The following GJA1 variants were observed in gnomAD, a reference collection of about 807,000 sequenced individuals.
GJA1 encodes the protein gap junction protein alpha 1.
In GJA1, 9 loss-of-function variants were observed where a neutral mutation model predicts 31.0. That is an observed-to-expected ratio of 0.29 (90% confidence interval 0.17 to 0.51). GJA1 has a LOEUF of 0.51. Among genes scored for constraint, GJA1 ranks in the 20% least tolerant of loss-of-function variants. The probability of loss-of-function intolerance (pLI) is 0.98; values close to 1 mark genes in which losing one functional copy is unlikely to be tolerated. For synonymous variants in GJA1, 186 were observed against 180.1 expected, an observed-to-expected ratio of 1.03 and a Z score of -0.26; for missense variants, 278 against 468.8, an observed-to-expected ratio of 0.59 and a Z score of 3.76.
chr6:121,441,102 C>G (rs1773771689), intron 1 of GJA1, among the ~76,000 whole-genome samples: 1 of 152,158 alleles, frequency 6.6e-6, no homozygotes, highest in African/African-American at 2.4e-5. Context: ...GCCACCACGC[C>G]CGGCTAATTT....
chr6:121,440,545 G>GT (rs1309101552), intron 1 of GJA1, among the ~76,000 whole-genome samples: 3 of 151,452 alleles, frequency 2.0e-5, no homozygotes, highest in African/African-American at 2.4e-5. Flanking sequence ...GATGACAATA[G>GT]TTTTTTACTG....
At position 121,448,057 on chromosome 6, in the gene GJA1, A is replaced by G. The variant is rs1773920950; in HGVS notation, c.*61A>G. On this transcript the variant is annotated 3_prime_UTR_variant, in exon 2 of 2. Coordinates refer to ENST00000282561, the MANE Select transcript of GJA1 (RefSeq NM_000165.5). ...GTGGAGAAGAAAAAAGGTGCTGTAG[A>G]AAGTGCACCAGGTGTTAATTTTGAT... 7 of 1,425,016 alleles carry G rather than the reference A, an allele frequency of 4.9e-6. No individual in the cohort carries two copies. Among genetic ancestry groups the G allele is most frequent in the Admixed American group, 3.4e-5 (2 of 59,662 alleles). The allele number at this position is 1,425,016 out of a possible 1,614,324, so 88.3% of individuals were successfully genotyped here.
intron 1 of GJA1, among the ~76,000 whole-genome samples, chr6:121,443,682 A>G (rs1773835904): frequency 6.6e-6 from 1 of 151,940 alleles, no homozygotes; most frequent in South Asian, 2.1e-4. Context: ...TTAGTGATGA[A>G]TTACTATAAG....
At chr6:121,441,943 T>G (rs2114276182) in intron 1 of GJA1, among the ~76,000 whole-genome samples, 1 of 152,318 alleles carries the variant, frequency 6.6e-6, no homozygotes, top group East Asian at 1.9e-4. Context: ...GGTTTGCATT[T>G]GAGTTTTTGG....
At position 121,448,369 on chromosome 6, in the gene GJA1, T is replaced by C. The variant is rs573918353; in HGVS notation, c.*373T>C. The stretch of plus-strand genomic sequence containing the variant: ...TAATTGTGGCTAAATATTTTTGTTT[T>C]ACCAAGAAACTGAAATAATTCTGGC... On this transcript the variant is annotated 3_prime_UTR_variant, in exon 2 of 2. Transcript: ENST00000282561. 47 of 263,050 alleles carry C rather than the reference T, an allele frequency of 1.8e-4. No individual in the cohort carries two copies. The highest frequency in any genetic ancestry group is 9.9e-4 in the African/African-American group (45 of 45,332). The allele number at this position is 263,050 out of a possible 1,614,324, so 16.3% of individuals were successfully genotyped here.
intron 1 of GJA1, among the ~76,000 whole-genome samples, chr6:121,444,136 C>T (rs1424090734): frequency 6.6e-6 from 1 of 152,162 alleles, no homozygotes; most frequent in Non-Finnish European, 1.5e-5. Context: ...TCCCTCACTT[C>T]AAGCCTTTCC....
intron 1 of GJA1, among the ~76,000 whole-genome samples, chr6:121,437,050 G>A (rs1010161351): frequency 6.6e-6 from 1 of 152,366 alleles, no homozygotes; most frequent in African/African-American, 2.4e-5. Context: ...ATGCTGAAAA[G>A]CAAATAAAAA....
chr6:121,444,408 T>C (rs1307092896), intron 1 of GJA1, among the ~76,000 whole-genome samples: 1 of 152,194 alleles, frequency 6.6e-6, no homozygotes, highest in Non-Finnish European at 1.5e-5. Context: ...AATGTACCCA[T>C]GATACCGTGG....
rs747847500 is a variant in GJA1 at position 121,447,843 on chromosome 6, A to G, written c.996A>G (p.Ala332=). ...QAGSTISNSH[A]QPFDFPDDNQ... ...GAAGCACCATCTCTAACTCCCATGC[A>G]CAGCCTTTTGATTTCCCCGATGATA... The change falls in exon 2 of 2, where the codon GCA becomes GCG. Residue 332 remains alanine (A), a synonymous_variant. Coordinates refer to ENST00000282561, the MANE Select transcript of GJA1 (RefSeq NM_000165.5). 4.3e-6 allele frequency: 7 copies of G among 1,613,896 alleles called. No homozygotes were observed. Among genetic ancestry groups the G allele is most frequent in the Admixed American group, 1.7e-5 (1 of 59,996 alleles).
chr6:121,448,018 G>GAT lies in GJA1; in HGVS notation c.*23_*24dup, dbSNP rs1371709753. On this transcript the variant is annotated 3_prime_UTR_variant, in exon 2 of 2. Transcript: ENST00000282561. ...CTAGATACAGGCTTGAAAGCATCAA[G>GAT]ATTCCACTCAATTGTGGAGAAGAAA... The GAT allele has an allele frequency of 6.2e-7, 1 of 1,603,422 alleles. No individual in the cohort carries two copies. The highest frequency in any genetic ancestry group is 1.7e-5 in the Admixed American group (1 of 59,982).
chr6:121,446,721 A>G, intron 1 of GJA1, 111 bp from the exon 2 acceptor site: 2 of 811,218 alleles, frequency 2.5e-6, no homozygotes, highest in Non-Finnish European at 2.1e-6. Flanking sequence ...AAAGAATGTT[A>G]GAAATACGTG....
chr6:121,446,210 G>A lies in GJA1; in HGVS notation c.-16-622G>A, dbSNP rs140673898. On this transcript the variant is annotated intron_variant, in intron 1 of 1. Transcript: ENST00000282561. ...CTTAGGAGGCTGAGGCAGGAGAATC[G>A]CTGGAACCTAAGAGGCGGAAGTTGT... Among the ~76,000 whole-genome samples, 129 of 152,116 alleles carry A rather than the reference G, an allele frequency of 8.5e-4. No individual in the cohort carries two copies. In the East Asian group the frequency reaches 0.017, roughly 20 times the overall value.
At chr6:121,441,475 T>C (rs913998264) in intron 1 of GJA1, among the ~76,000 whole-genome samples, 1 of 152,172 alleles carries the variant, frequency 6.6e-6, no homozygotes, top group African/African-American at 2.4e-5. Flanking sequence ...TAATAAATCC[T>C]TCTCATGGAA....
rs576733999 is a variant in GJA1, at chr6:121,438,526, G to T, written c.-17+2694G>T. ...TCTTTTCTCTACATCCAGGGGTGTA[G>T]CTTGGTTTGAGCCTTTATATATGAT... On this transcript the variant is annotated intron_variant, in intron 1 of 1. Coordinates refer to ENST00000282561, the MANE Select transcript of GJA1 (RefSeq NM_000165.5). Among the ~76,000 whole-genome samples the T allele has an allele frequency of 2.9e-3, 435 of 152,302 alleles. 2 individuals are homozygous for T. Among genetic ancestry groups the T allele is most frequent in the African/African-American group, 9.9e-3 (410 of 41,564 alleles).
At chr6:121,436,421 G>T (rs1773664529) in intron 1 of GJA1, among the ~76,000 whole-genome samples, 1 of 152,006 alleles carries the variant, frequency 6.6e-6, no homozygotes, top group African/African-American at 2.4e-5. Flanking sequence ...TTCCTTCCTA[G>T]AATTTTCCCC....
At chr6:121,446,769 A>G in intron 1 of GJA1, 63 bp from the exon 2 acceptor site, 1 of 1,001,792 alleles carries the variant, frequency 1.0e-6, no homozygotes, top group East Asian at 2.4e-5. Context: ...CCTGAAAGGT[A>G]CTAAATGTTA....
chr6:121,435,937 T>C (rs1001432357), intron 1 of GJA1, 105 bp downstream of exon 1: 1 of 152,168 alleles, frequency 6.6e-6, no homozygotes, highest in African/African-American at 2.4e-5. Context: ...TGAATTATGA[T>C]ACTGTAAATG....
intron 1 of GJA1, among the ~76,000 whole-genome samples, chr6:121,437,918 G>T (rs1363752650): frequency 6.6e-6 from 1 of 152,154 alleles, no homozygotes; most frequent in African/African-American, 2.4e-5. Flanking sequence ...GAAGCCTAAT[G>T]TTTACTTTTG....
intron 1 of GJA1, among the ~76,000 whole-genome samples, chr6:121,443,557 G>A (rs1773833448): frequency 1.3e-5 from 2 of 152,146 alleles, no homozygotes; most frequent in Admixed American, 6.5e-5. Flanking sequence ...GAGTGTTTTT[G>A]TAGAATCTCA....
Sources: allele counts gnomAD v4.1 joint callset (sites outside exome capture counted in the v4.1 genomes callset), GRCh38; gene constraint gnomAD v4.1.1; transcripts MANE v1.5; gene names NCBI Gene and HGNC (gene_info 2026-07-23, HGNC 2026-07-21).